ENTREP1: variants seen among roughly 807,000 people sequenced by gnomAD.
ENTREP1 encodes the protein Friedreich ataxia region gene X123.
the ENTREP1 span, among the ~76,000 whole-genome samples, chr9:69,373,427 G>T: frequency 1.3e-5 from 2 of 152,056 alleles, no homozygotes; most frequent in African/African-American, 2.4e-5. Flanking sequence ...TGTTTTCATG[G>T]TCATGTAATC....
the ENTREP1 span, among the ~76,000 whole-genome samples, chr9:69,365,230 T>G: frequency 6.6e-6 from 1 of 152,194 alleles, no homozygotes; most frequent in African/African-American, 2.4e-5. Flanking sequence ...TCCGTGTGTT[T>G]CCAGTCAATC....
the ENTREP1 span, among the ~76,000 whole-genome samples, chr9:69,373,120 C>T: frequency 1.3e-5 from 2 of 151,640 alleles, no homozygotes; most frequent in Admixed American, 1.3e-4. Flanking sequence ...GTGATTATTT[C>T]TGATGTTATA....
chr9:69,324,648 C>G, the ENTREP1 span: 1 of 985,452 alleles, frequency 1.0e-6, no homozygotes, highest in Non-Finnish European at 1.2e-6. Context: ...CGTCCTGCGC[C>G]CTGTGAGCGG....
the ENTREP1 span, chr9:69,383,782 C>G: frequency 1.2e-6 from 2 of 1,613,922 alleles, no homozygotes; most frequent in African/African-American, 1.3e-5. Context: ...CTGAATCTCT[C>G]TAAGTACATT....
At chr9:69,392,222 C>G in the ENTREP1 span, 1 of 201,274 alleles carries the variant, frequency 5.0e-6, no homozygotes, top group Non-Finnish European at 1.0e-5. Context: ...CCTTTCACTG[C>G]TCTGCGATTT....
At chr9:69,339,678 G>A in the ENTREP1 span, among the ~76,000 whole-genome samples, 6 of 152,290 alleles carry the variant, frequency 3.9e-5, no homozygotes, top group African/African-American at 1.4e-4. Context: ...GTTCTTGCAG[G>A]CCTGGGCTTG....
At chr9:69,326,751 A>G in the ENTREP1 span, among the ~76,000 whole-genome samples, 6 of 151,792 alleles carry the variant, frequency 4.0e-5, no homozygotes, top group East Asian at 1.2e-3. Flanking sequence ...TTTTTAAGGG[A>G]CAGAGTTTCC....
chr9:69,348,197 C>T, the ENTREP1 span, among the ~76,000 whole-genome samples: 23 of 152,302 alleles, frequency 1.5e-4, no homozygotes, highest in African/African-American at 5.1e-4. Context: ...TCACTGCAGC[C>T]TCGACCTCCT....
chr9:69,392,327 A>T, the ENTREP1 span: 1 of 156,620 alleles, frequency 6.4e-6, no homozygotes, highest in Non-Finnish European at 1.4e-5. Flanking sequence ...CAAAACAGGA[A>T]ACTTCTTAAG....
chr9:69,385,775 T>A, the ENTREP1 span: 2 of 1,351,786 alleles, frequency 1.5e-6, no homozygotes, highest in African/African-American at 3.8e-5. Context: ...TTTTTTTTTT[T>A]TTTTTTTTTT....
At chr9:69,348,045 A>G in the ENTREP1 span, among the ~76,000 whole-genome samples, 1 of 152,130 alleles carries the variant, frequency 6.6e-6, no homozygotes, top group Non-Finnish European at 1.5e-5. Flanking sequence ...GATGTTCTAA[A>G]TGATTCTTTT....
the ENTREP1 span, among the ~76,000 whole-genome samples, chr9:69,326,525 A>G: frequency 6.6e-6 from 1 of 152,122 alleles, no homozygotes; most frequent in Non-Finnish European, 1.5e-5. Context: ...AGAGTGCCCA[A>G]CTTCAGAGAA....
chr9:69,383,697 T>G, the ENTREP1 span: 1 of 1,614,086 alleles, frequency 6.2e-7, no homozygotes, highest in East Asian at 2.2e-5. Flanking sequence ...TGTGGAAGTG[T>G]TCTGTCCTCT....
chr9:69,353,091 C>T, the ENTREP1 span, among the ~76,000 whole-genome samples: 8 of 152,224 alleles, frequency 5.3e-5, no homozygotes, highest in South Asian at 4.2e-4. Context: ...GAGCCGTGAT[C>T]GCACCACTAC....
chr9:69,332,073 T>C, the ENTREP1 span, among the ~76,000 whole-genome samples: 1 of 152,296 alleles, frequency 6.6e-6, no homozygotes, highest in African/African-American at 2.4e-5. Context: ...AGTCTTGAGC[T>C]CTTAAAAAAT....
the ENTREP1 span, among the ~76,000 whole-genome samples, chr9:69,361,109 G>A: frequency 6.6e-6 from 1 of 152,034 alleles, no homozygotes; most frequent in Admixed American, 6.6e-5. Context: ...GGAATCAGGA[G>A]TTCTAAGTGA....
chr9:69,327,116 T>G, the ENTREP1 span, among the ~76,000 whole-genome samples: 1 of 152,228 alleles, frequency 6.6e-6, no homozygotes, highest in African/African-American at 2.4e-5. Context: ...AATTGTATAC[T>G]TCATCCAGTG....
chr9:69,383,618 C>A, the ENTREP1 span: 266 of 1,613,770 alleles, frequency 1.6e-4, no homozygotes, highest in Non-Finnish European at 3.0e-5. Context: ...GACGCCAAGT[C>A]GCTTTTCCTA....
At chr9:69,337,005 C>CTTTT in the ENTREP1 span, among the ~76,000 whole-genome samples, 3 of 55,988 alleles carry the variant, frequency 5.4e-5, no homozygotes, top group East Asian at 5.2e-4. Context: ...GCTGTTATTC[C>CTTTT]TTTTTTTTTT....
Sources: gnomAD v4.1 joint callset for allele counts (sites outside exome capture counted in the v4.1 genomes callset) on GRCh38, gnomAD v4.1.1 for gene constraint, MANE v1.5 for transcripts, NCBI Gene and HGNC (gene_info 2026-07-23, HGNC 2026-07-21) for gene names.